Variants in KNTC1 observed in about 807,000 individuals in gnomAD.
The protein encoded by KNTC1 is kinetochore-associated protein 1.
KNTC1 carries 253 observed loss-of-function variants against 314.4 expected under a neutral mutation model. That is an observed-to-expected ratio of 0.80 (90% CI 0.73 to 0.89). KNTC1 has a LOEUF of 0.89. KNTC1 is among the 40% of genes least tolerant of loss of function. The pLI, the probability that KNTC1 is intolerant of heterozygous loss-of-function variation, is 0.00. For synonymous variants in KNTC1, 901 were observed against 901.4 expected (o/e 1.00, Z 0.01); for missense variants, 2,475 against 2,572.9 (o/e 0.96, Z 0.82).
chr12:122,612,665 G>A (rs956335629), intron 53 of KNTC1, among the ~76,000 whole-genome samples: 1 of 150,586 alleles, frequency 6.6e-6, no homozygotes, highest in Non-Finnish European at 1.5e-5. Context: ...TGATCCACCC[G>A]CCTCGGCCTC....
chr12:122,544,231 G>A lies in KNTC1; in HGVS notation c.631G>A (p.Ala211Thr), dbSNP rs772898355. The change falls in exon 8 of 64, where the codon GCT becomes ACT. Residue 211 changes from alanine to threonine, a missense_variant. Ala to Thr is a moderately conservative substitution (Grantham distance 58). Coordinates refer to ENST00000333479, the MANE Select transcript of KNTC1 (RefSeq NM_014708.6). ...TACTCTTGGTTGTCTCAGTCTTGTG[G>A]CTGGAGATTTAGCAAGTGAAGTTCC... ...YHTLGCLSLV[A>T]GDLASEVPVI... is the part of the protein sequence containing the mutation. 6.3e-7 allele frequency: 1 copy of A among 1,586,052 alleles called. No homozygotes were observed. The highest frequency in any genetic ancestry group is 1.9e-5 in the Admixed American group (1 of 52,706).
chr12:122,614,275 A>G (rs1028362983), intron 55 of KNTC1, among the ~76,000 whole-genome samples: 10 of 152,162 alleles, frequency 6.6e-5, no homozygotes, highest in African/African-American at 2.4e-4. Flanking sequence ...ATCCCTGCCA[A>G]CCAGAGAGAG....
chr12:122,545,249 G>A (rs926587427), intron 8 of KNTC1, among the ~76,000 whole-genome samples: 1 of 152,082 alleles, frequency 6.6e-6, no homozygotes, highest in Non-Finnish European at 1.5e-5. Context: ...ATATTAAGAA[G>A]TAGTCAGCTG....
At chr12:122,553,888 C>T (rs1449438139) in intron 16 of KNTC1, among the ~76,000 whole-genome samples, 1 of 151,866 alleles carries the variant, frequency 6.6e-6, no homozygotes, top group African/African-American at 2.4e-5. Context: ...TGAAAGACAT[C>T]TGGAGGATAC....
chr12:122,553,143 C>T (rs1438606103), intron 16 of KNTC1, among the ~76,000 whole-genome samples: 1 of 144,440 alleles, frequency 6.9e-6, no homozygotes, highest in African/African-American at 2.6e-5. Context: ...GGCAACACAG[C>T]AAGACTCTGT....
intron 13 of KNTC1, among the ~76,000 whole-genome samples, chr12:122,550,425 G>T (rs921224385): frequency 6.6e-6 from 1 of 151,448 alleles, no homozygotes; most frequent in African/African-American, 2.4e-5. Context: ...TACCAATTGG[G>T]CCAATTACTT....
At chr12:122,549,706 G>T in intron 12 of KNTC1, 60 bp from the exon 13 acceptor site, 1 of 855,282 alleles carries the variant, frequency 1.2e-6, no homozygotes, top group South Asian at 1.4e-5. Flanking sequence ...GTGAAGTGCT[G>T]TTTTGTACTT....
At position 122,571,108 on chromosome 12, in the gene KNTC1, C is replaced by T; in HGVS notation, c.2001C>T (p.Ser667=). Residue 667 remains serine (S), a synonymous_variant, in exon 24 of 64, where the codon TCC becomes TCT. Transcript: ENST00000333479. The part of the protein sequence containing the change: ...EKTDELGLAS[S]WHWISLKDYQ... ...CAGACGAGTTGGGATTGGCATCTTC[C>T]TGGCATTGGATTTCCTTGGTATGAT... The T allele has an allele frequency of 2.5e-6, 4 of 1,612,862 alleles. No individual in the cohort carries two copies. In the South Asian group the frequency reaches 4.4e-5, roughly 18 times the overall value.
intron 34 of KNTC1, 135 bp downstream of exon 34, chr12:122,583,120 G>C: frequency 1.3e-6 from 1 of 774,204 alleles, no homozygotes; most frequent in Non-Finnish European, 2.0e-6. Flanking sequence ...GACCATCCTG[G>C]CTAACATGGT....
chr12:122,570,220 A>G (rs1964599763), intron 22 of KNTC1, among the ~76,000 whole-genome samples: 1 of 152,082 alleles, frequency 6.6e-6, no homozygotes, highest in African/African-American at 2.4e-5. Context: ...ACAAAAAAAT[A>G]TATTTAGAAA....
intron 40 of KNTC1, among the ~76,000 whole-genome samples, chr12:122,590,190 T>C (rs1355201736): frequency 1.3e-5 from 2 of 152,142 alleles, no homozygotes; most frequent in African/African-American, 4.8e-5. Flanking sequence ...TGGCATGCTC[T>C]TTCTCTATTT....
chr12:122,557,698 GT>G lies in KNTC1; in HGVS notation c.1488+16del. 6.2e-7 allele frequency: 1 copy of G among 1,604,894 alleles called. No homozygotes were observed. On this transcript the variant is annotated intron_variant, in intron 18 of 63. Coordinates refer to ENST00000333479, the MANE Select transcript of KNTC1 (RefSeq NM_014708.6). ...ATTATGCCAAAACCAGGGTAGGTTC[GT>G]TTTTTTGTATTTTGTTTTTTTGGGG...
intron 51 of KNTC1, 170 bp from the exon 52 acceptor site, chr12:122,609,214 G>C: frequency 1.6e-6 from 1 of 611,854 alleles, no homozygotes; most frequent in Non-Finnish European, 2.9e-6. Flanking sequence ...ACAAATATGA[G>C]TAGACCCATC....
chr12:122,566,246 CT>C (rs150492240), intron 20 of KNTC1, among the ~76,000 whole-genome samples: 334 of 138,956 alleles, frequency 2.4e-3, no homozygotes, highest in Middle Eastern at 7.9e-3. Context: ...CGGCCTAAAT[CT>C]TTTTTTTTTT....
chr12:122,572,089 T>C (rs1448625223), intron 24 of KNTC1, among the ~76,000 whole-genome samples: 2 of 152,114 alleles, frequency 1.3e-5, no homozygotes, highest in Non-Finnish European at 2.9e-5. Flanking sequence ...CATTTCACAA[T>C]CCTTTGAAAA....
chr12:122,605,324 A>C lies in KNTC1; in HGVS notation c.5405A>C (p.Lys1802Thr). The C allele has an allele frequency of 6.3e-7, 1 of 1,598,450 alleles. No individual in the cohort carries two copies. The highest frequency in any genetic ancestry group is 1.1e-5 in the South Asian group (1 of 88,244). Reference protein sequence around the residue: ...TDYPDIHAAAKEIAEVNEINL... With the variant: ...TDYPDIHAAATEIAEVNEINL... ...ATCTTAGATATTCATGCAGCAGCTA[A>C]AGAAATAGCCGAAGTCAATGAAATT... Residue 1802 changes from lysine to threonine, a missense_variant, in exon 51 of 64, where the codon AAA (lysine) becomes ACA (threonine). By Grantham distance (78) the Lys-to-Thr change is moderately conservative. Transcript: ENST00000333479.
At chr12:122,562,066 C>A in intron 19 of KNTC1, 92 bp downstream of exon 19, 2 of 1,221,866 alleles carry the variant, frequency 1.6e-6, no homozygotes, top group Non-Finnish European at 2.3e-6. Flanking sequence ...TTATCAAGAG[C>A]AAGTTATTTC....
chr12:122,602,610 T>A lies in KNTC1; in HGVS notation c.4695T>A (p.Ile1565=). 1.2e-6 allele frequency: 2 copies of A among 1,612,006 alleles called. No homozygotes were observed. Among genetic ancestry groups the A allele is most frequent in the Non-Finnish European group, 1.7e-6 (2 of 1,178,478 alleles). The change falls in exon 46 of 64, where the codon ATT becomes ATA. Residue 1565 remains isoleucine, a synonymous_variant. Coordinates refer to ENST00000333479, the MANE Select transcript of KNTC1 (RefSeq NM_014708.6). ...ILKHLKSYRR[I]SPPVDLEYQY... The stretch of plus-strand genomic sequence containing the variant: ...AACATTTGAAGTCATACAGAAGAAT[T>A]TCTCCTCCCGTGGATCTAGAATATC...
chr12:122,624,497 G>A (rs1056805639), intron 62 of KNTC1, 101 bp from the exon 63 acceptor site: 1 of 708,834 alleles, frequency 1.4e-6, no homozygotes, highest in East Asian at 2.8e-5. Context: ...CAAACTCCTG[G>A]ACCCAAGCCA....
Sources: allele counts gnomAD v4.1 joint callset (sites outside exome capture counted in the v4.1 genomes callset), GRCh38; gene constraint gnomAD v4.1.1; transcripts MANE v1.5; gene names NCBI Gene and HGNC (gene_info 2026-07-23, HGNC 2026-07-21).